CAMK2D: variants seen among roughly 807,000 people sequenced by gnomAD.
The protein encoded by CAMK2D is calcium/calmodulin dependent protein kinase II delta, also known as calcium/calmodulin-dependent protein kinase type II subunit delta.
CAMK2D carries 37 observed loss-of-function variants against 84.0 expected under a neutral mutation model. The observed-to-expected ratio is 0.44, with a 90% CI of 0.34 to 0.58. The LOEUF (loss-of-function observed/expected upper bound fraction) is 0.58, where lower values mean the gene tolerates loss of function less well. Among genes scored for constraint, CAMK2D ranks in the 20% least tolerant of loss-of-function variants. CAMK2D has a pLI of 0.02. For missense variants in CAMK2D, 448 were observed against 652.5 expected, an observed-to-expected ratio of 0.69 and a Z score of 3.41; for synonymous variants, 202 against 212.5, an observed-to-expected ratio of 0.95 and a Z score of 0.43.
chr4:113,661,909 T>G, intron 2 of CAMK2D, 137 bp from the exon 3 acceptor site: 1 of 590,606 alleles, frequency 1.7e-6, no homozygotes, highest in South Asian at 2.3e-5. Context: ...ATAATTCAAA[T>G]TTAGAATTAA....
At chr4:113,716,560 AG>A (rs1482833604) in intron 2 of CAMK2D, among the ~76,000 whole-genome samples, 4 of 150,352 alleles carry the variant, frequency 2.7e-5, no homozygotes, top group South Asian at 4.3e-4. Context: ...CTGAGGCAGG[AG>A]AATCGCTTGA....
intron 2 of CAMK2D, among the ~76,000 whole-genome samples, chr4:113,736,697 C>A (rs966583406): frequency 1.3e-5 from 2 of 152,060 alleles, no homozygotes; most frequent in African/African-American, 4.8e-5. Flanking sequence ...TATGGCCTTT[C>A]ATTCATATTA....
At chr4:113,529,835 T>C (rs1032614783) in intron 8 of CAMK2D, among the ~76,000 whole-genome samples, 1 of 152,180 alleles carries the variant, frequency 6.6e-6, no homozygotes, top group East Asian at 1.9e-4. Context: ...ATAATACTTA[T>C]TGGAAGGACT....
intron 8 of CAMK2D, among the ~76,000 whole-genome samples, chr4:113,521,093 C>CT (rs1319754013): frequency 2.0e-5 from 3 of 152,130 alleles, no homozygotes; most frequent in African/African-American, 7.2e-5. Context: ...AATCTTGCTC[C>CT]TTATCCACTT....
intron 2 of CAMK2D, among the ~76,000 whole-genome samples, chr4:113,711,574 T>C (rs1230125846): frequency 6.6e-6 from 1 of 152,188 alleles, no homozygotes; most frequent in Non-Finnish European, 1.5e-5. Flanking sequence ...GACACAATAA[T>C]ATTGGTTTAC....
At position 113,690,432 on chromosome 4, in the gene CAMK2D, A is replaced by G. The variant is rs530774958; in HGVS notation, c.161-28660T>C. ...TTTAAATTAAAAAAAATGAGCTCCC[A>G]GTTGTGGGCACAAAGGTCCCCCTGA... On this transcript the variant is annotated intron_variant, in intron 2 of 20. Coordinates refer to ENST00000511664, the MANE Select transcript of CAMK2D (RefSeq NM_001321571.2). Among the ~76,000 whole-genome samples, 9 of 152,310 alleles carry G rather than the reference A, an allele frequency of 5.9e-5. 1 individual carries two copies. The South Asian group carries it at 1.7e-3, about 28-fold the overall frequency.
intron 4 of CAMK2D, among the ~76,000 whole-genome samples, chr4:113,558,604 T>C (rs773127565): frequency 4.6e-5 from 7 of 152,156 alleles, no homozygotes; most frequent in Non-Finnish European, 1.0e-4. Flanking sequence ...TCTGAGAGGG[T>C]CCTCGATTCA....
At chr4:113,712,019 C>G (rs991607149) in intron 2 of CAMK2D, among the ~76,000 whole-genome samples, 1 of 152,058 alleles carries the variant, frequency 6.6e-6, no homozygotes, top group Non-Finnish European at 1.5e-5. Flanking sequence ...AAACACCTAC[C>G]CCCACCCACC....
At chr4:113,760,680 C>T (rs551990241) in intron 1 of CAMK2D, among the ~76,000 whole-genome samples, 14 of 152,208 alleles carry the variant, frequency 9.2e-5, no homozygotes, top group African/African-American at 2.4e-4. Flanking sequence ...TACACACAGG[C>T]GCGCGCGCAC....
At chr4:113,656,527 T>C (rs995758115) in intron 3 of CAMK2D, among the ~76,000 whole-genome samples, 2 of 152,130 alleles carry the variant, frequency 1.3e-5, no homozygotes. Context: ...CAGATTATGA[T>C]ACACTTTTGC....
intron 2 of CAMK2D, among the ~76,000 whole-genome samples, chr4:113,675,973 A>G (rs2099316749): frequency 6.6e-6 from 1 of 152,224 alleles, no homozygotes; most frequent in Non-Finnish European, 1.5e-5. Context: ...ATTTTCATAT[A>G]TCTGTATAAT....
At chr4:113,693,148 C>G (rs2099393186) in intron 2 of CAMK2D, among the ~76,000 whole-genome samples, 1 of 152,098 alleles carries the variant, frequency 6.6e-6, no homozygotes, top group African/African-American at 2.4e-5. Flanking sequence ...AAGAAGTATT[C>G]TGAGTAAGGG....
intron 4 of CAMK2D, among the ~76,000 whole-genome samples, 174 bp downstream of exon 4, chr4:113,608,978 A>C (rs1394620856): frequency 6.6e-6 from 1 of 152,218 alleles, no homozygotes; most frequent in Non-Finnish European, 1.5e-5. Context: ...TAAATTGTAA[A>C]TAAAACAATG....
At chr4:113,566,360 T>C (rs1334654585) in intron 4 of CAMK2D, among the ~76,000 whole-genome samples, 1 of 152,256 alleles carries the variant, frequency 6.6e-6, no homozygotes, top group Non-Finnish European at 1.5e-5. Context: ...TCTCCTCTAC[T>C]GCTCTCACCT....
At chr4:113,713,429 A>C (rs1593423904) in intron 2 of CAMK2D, among the ~76,000 whole-genome samples, 1 of 148,486 alleles carries the variant, frequency 6.7e-6, no homozygotes, top group East Asian at 1.9e-4. Flanking sequence ...ATTATATATA[A>C]TTAAATGTAA....
At chr4:113,487,971 G>A (rs893748906) in intron 16 of CAMK2D, among the ~76,000 whole-genome samples, 1 of 151,910 alleles carries the variant, frequency 6.6e-6, no homozygotes, top group Non-Finnish European at 1.5e-5. Flanking sequence ...CTGTTATGAG[G>A]AAACCTGAGC....
At chr4:113,555,613 T>G (rs1351724373) in intron 4 of CAMK2D, among the ~76,000 whole-genome samples, 1 of 152,190 alleles carries the variant, frequency 6.6e-6, no homozygotes, top group Non-Finnish European at 1.5e-5. Context: ...TTTAAGCAAT[T>G]GGTATCTCTT....
At chr4:113,533,613 G>A in intron 7 of CAMK2D, among the ~76,000 whole-genome samples, 1 of 150,520 alleles carries the variant, frequency 6.6e-6, no homozygotes, top group East Asian at 1.9e-4. Flanking sequence ...AGACATAACA[G>A]CAACAAAGCA....
chr4:113,745,601 A>C (rs2099602468), intron 2 of CAMK2D, among the ~76,000 whole-genome samples: 1 of 152,156 alleles, frequency 6.6e-6, no homozygotes, highest in Non-Finnish European at 1.5e-5. Context: ...TAAAATGTTA[A>C]CCTCGCTTTC....
Sources: gnomAD v4.1 joint callset for allele counts (sites outside exome capture counted in the v4.1 genomes callset) on GRCh38, gnomAD v4.1.1 for gene constraint, MANE v1.5 for transcripts, NCBI Gene and HGNC (gene_info 2026-07-23, HGNC 2026-07-21) for gene names.